Variants in GLIS3 observed in about 807,000 individuals in gnomAD.
The protein encoded by GLIS3 is zinc finger protein GLIS3.
In GLIS3, 53 loss-of-function variants were observed where a neutral mutation model predicts 78.6. That is an observed-to-expected ratio of 0.67 (90% CI 0.54 to 0.85). GLIS3 has a LOEUF of 0.85. Among genes scored for constraint, GLIS3 ranks in the 40% least tolerant of loss-of-function variants. GLIS3 has a pLI of 0.00. For missense variants in GLIS3, 1,703 were observed against 1,231.1 expected, an observed-to-expected ratio of 1.38 and a Z score of -5.74; for synonymous variants, 684 against 509.9, an observed-to-expected ratio of 1.34 and a Z score of -4.60.
intron 2 of GLIS3, among the ~76,000 whole-genome samples, chr9:4,184,520 C>A (rs1056191982): frequency 6.6e-6 from 1 of 152,232 alleles, no homozygotes; most frequent in Non-Finnish European, 1.5e-5. Context: ...GCCTAGTCCT[C>A]CGTCCCCTAA....
At chr9:3,994,534 ATAAC>A (rs1403557790) in intron 4 of GLIS3, among the ~76,000 whole-genome samples, 4 of 152,366 alleles carry the variant, frequency 2.6e-5, no homozygotes, top group Admixed American at 1.3e-4. Flanking sequence ...AACTATTTCC[ATAAC>A]TAATAATTAT....
the GLIS3 span, among the ~76,000 whole-genome samples, chr9:4,373,856 C>T: frequency 6.6e-6 from 1 of 151,864 alleles, no homozygotes; most frequent in Non-Finnish European, 1.5e-5. Flanking sequence ...TTAGTAGAGA[C>T]GGGGTTTTAC....
At chr9:4,483,723 G>GAA in the GLIS3 span, among the ~76,000 whole-genome samples, 1,614 of 108,566 alleles carry the variant, frequency 0.015, 43 homozygotes, top group African/African-American at 0.051. Context: ...TTCGTCTTGG[G>GAA]AAAAAAAAAA....
At chr9:4,159,025 GAGA>G (rs549300770) in intron 2 of GLIS3, among the ~76,000 whole-genome samples, 980 of 8,050 alleles carry the variant, frequency 0.12, 69 homozygotes, top group African/African-American at 0.35. Context: ...CTAGAGAAAG[GAGA>G]AGAAGAAAAA....
At chr9:3,979,014 C>T (rs1231773481) in intron 4 of GLIS3, among the ~76,000 whole-genome samples, 2 of 152,078 alleles carry the variant, frequency 1.3e-5, no homozygotes, top group Non-Finnish European at 2.9e-5. Flanking sequence ...AAATCCTATA[C>T]CATTTTATAT....
chr9:4,433,059 A>T, the GLIS3 span, among the ~76,000 whole-genome samples: 1 of 152,142 alleles, frequency 6.6e-6, no homozygotes, highest in Non-Finnish European at 1.5e-5. Flanking sequence ...TGCAAAGGAG[A>T]ATTGTTTTAC....
intron 2 of GLIS3, among the ~76,000 whole-genome samples, chr9:4,246,596 G>C (rs572615063): frequency 2.0e-5 from 3 of 152,242 alleles, no homozygotes; most frequent in South Asian, 4.1e-4. Context: ...CTGCAGCAAA[G>C]CATTTTCCAA....
intron 1 of GLIS3, among the ~76,000 whole-genome samples, chr9:4,296,521 A>T (rs1816520673): frequency 6.6e-6 from 1 of 152,122 alleles, no homozygotes; most frequent in Non-Finnish European, 1.5e-5. Flanking sequence ...TGAAGTGATG[A>T]TCACTTCTTC....
At chr9:4,058,036 A>G (rs1826292150) in intron 4 of GLIS3, among the ~76,000 whole-genome samples, 1 of 152,174 alleles carries the variant, frequency 6.6e-6, no homozygotes, top group South Asian at 2.1e-4. Flanking sequence ...TGAATGAGTG[A>G]CCTCTCCAAA....
the GLIS3 span, among the ~76,000 whole-genome samples, chr9:4,377,332 T>C: frequency 7.4e-6 from 1 of 135,536 alleles, no homozygotes; most frequent in East Asian, 2.2e-4. Context: ...CCATGCTGGA[T>C]GCTTCCTTCC....
chr9:4,199,713 G>A (rs932402354), intron 2 of GLIS3, among the ~76,000 whole-genome samples: 1 of 152,012 alleles, frequency 6.6e-6, no homozygotes, highest in Admixed American at 6.6e-5. Flanking sequence ...AATAGTGGGG[G>A]ACTTCAACAC....
intron 4 of GLIS3, among the ~76,000 whole-genome samples, chr9:4,306,450 T>C (rs1456216793): frequency 6.6e-6 from 1 of 152,210 alleles, no homozygotes; most frequent in Non-Finnish European, 1.5e-5. Context: ...ATAGAGTAGT[T>C]TATCCATTTG....
chr9:4,060,819 G>A (rs1035900157), intron 4 of GLIS3, among the ~76,000 whole-genome samples: 1 of 152,178 alleles, frequency 6.6e-6, no homozygotes, highest in African/African-American at 2.4e-5. Context: ...ACTAAGACAT[G>A]TGACATATTA....
At chr9:4,222,683 G>C (rs1262617038) in intron 2 of GLIS3, among the ~76,000 whole-genome samples, 1 of 152,180 alleles carries the variant, frequency 6.6e-6, no homozygotes, top group Admixed American at 6.5e-5. Flanking sequence ...ACTGTAAGAG[G>C]AAGAATAAAA....
chr9:4,292,662 A>G (rs1484432346), intron 1 of GLIS3, among the ~76,000 whole-genome samples: 1 of 152,234 alleles, frequency 6.6e-6, no homozygotes, highest in Admixed American at 6.5e-5. Flanking sequence ...CAATTGATCA[A>G]TTGTGCTCAA....
chr9:4,297,466 T>C (rs1014644589), intron 1 of GLIS3, among the ~76,000 whole-genome samples: 3 of 152,150 alleles, frequency 2.0e-5, no homozygotes, highest in Non-Finnish European at 4.4e-5. Flanking sequence ...AGGGACCTGG[T>C]CCACTGGGGG....
chr9:4,436,067 C>G, the GLIS3 span, among the ~76,000 whole-genome samples: 1 of 152,194 alleles, frequency 6.6e-6, no homozygotes, highest in Non-Finnish European at 1.5e-5. Flanking sequence ...GAAAAAAGCT[C>G]ATTTGTGGCT....
chr9:4,290,282 A>T (rs1007404961), intron 1 of GLIS3, among the ~76,000 whole-genome samples: 1 of 152,148 alleles, frequency 6.6e-6, no homozygotes, highest in Non-Finnish European at 1.5e-5. Flanking sequence ...CTTACTCTGC[A>T]TAGAAAACCC....
intron 2 of GLIS3, among the ~76,000 whole-genome samples, chr9:4,240,949 GT>G (rs1823247851): frequency 1.5e-4 from 1 of 6,660 alleles, no homozygotes; most frequent in Non-Finnish European, 2.6e-4. Context: ...AAGAAAATAT[GT>G]ATGAGTGTGT....
Sources: gnomAD v4.1 joint callset for allele counts (sites outside exome capture counted in the v4.1 genomes callset) on GRCh38, gnomAD v4.1.1 for gene constraint, MANE v1.5 for transcripts, NCBI Gene and HGNC (gene_info 2026-07-23, HGNC 2026-07-21) for gene names.